Variants in MCM9 observed in about 807,000 individuals in gnomAD.
MCM9 encodes the protein minichromosome maintenance 9 homologous recombination repair factor.
Under a neutral mutation model 72.8 loss-of-function variants are expected in MCM9, and 55 were observed. The observed-to-expected ratio is 0.76, with a 90% CI of 0.61 to 0.95. The LOEUF is 0.95. Among genes scored for constraint, MCM9 ranks in the 40% least tolerant of loss-of-function variants. MCM9 has a pLI of 0.00. For missense variants in MCM9, 1,279 were observed against 1,377.0 expected (o/e 0.93, Z 1.13); for synonymous variants, 480 against 503.4 (o/e 0.95, Z 0.62).
chr6:118,847,319 G>GA (rs1269181335), intron 9 of MCM9, among the ~76,000 whole-genome samples: 1 of 145,202 alleles, frequency 6.9e-6, no homozygotes, highest in Non-Finnish European at 1.5e-5. Context: ...GACAAGGGTT[G>GA]AAAAACTACC....
intron 9 of MCM9, among the ~76,000 whole-genome samples, chr6:118,846,643 G>A (rs779935188): frequency 1.3e-5 from 2 of 151,732 alleles, no homozygotes; most frequent in African/African-American, 2.4e-5. Flanking sequence ...TTGGTGATCA[G>A]GTGAAGAAGG....
intron 8 of MCM9, among the ~76,000 whole-genome samples, chr6:118,878,240 T>C (rs1778065117): frequency 6.6e-6 from 1 of 151,714 alleles, no homozygotes; most frequent in African/African-American, 2.4e-5. Flanking sequence ...ATAATACTGA[T>C]CAAAAAATAC....
At chr6:118,881,454 G>T (rs986700782) in intron 8 of MCM9, among the ~76,000 whole-genome samples, 1 of 152,112 alleles carries the variant, frequency 6.6e-6, no homozygotes, top group African/African-American at 2.4e-5. Flanking sequence ...AAAATTCAGT[G>T]AGCGAGTCAA....
chr6:118,843,020 T>C (rs973378354), intron 9 of MCM9, among the ~76,000 whole-genome samples: 2 of 152,198 alleles, frequency 1.3e-5, no homozygotes, highest in Non-Finnish European at 2.9e-5. Context: ...ATATTTTGGT[T>C]ACTGACATAA....
chr6:118,905,151 T>C (rs1780088421), intron 8 of MCM9, among the ~76,000 whole-genome samples: 1 of 152,236 alleles, frequency 6.6e-6, no homozygotes, highest in Non-Finnish European at 1.5e-5. Context: ...TTCAGTTTTA[T>C]ACTAATTTAC....
intron 8 of MCM9, among the ~76,000 whole-genome samples, chr6:118,863,979 A>G (rs1777061186): frequency 1.3e-5 from 2 of 151,994 alleles, no homozygotes; most frequent in Non-Finnish European, 2.9e-5. Flanking sequence ...AAATATATCA[A>G]TTAAGACAGA....
intron 3 of MCM9, among the ~76,000 whole-genome samples, chr6:118,925,557 CT>C (rs1781824077): frequency 6.6e-6 from 1 of 152,178 alleles, no homozygotes; most frequent in Non-Finnish European, 1.5e-5. Context: ...TGAATTTTCT[CT>C]GTTGGTTGGC....
chr6:118,931,606 C>T lies in MCM9; in HGVS notation c.118G>A (p.Val40Ile), dbSNP rs769634223. 3 of 1,614,066 alleles carry T rather than the reference C, an allele frequency of 1.9e-6. No individual in the cohort carries two copies. The highest frequency in any genetic ancestry group is 1.6e-4 in the Middle Eastern group (1 of 6,062). The change falls in exon 3 of 14, where the codon GTT becomes ATT. Residue 40 changes from valine to isoleucine, a missense_variant. By Grantham distance (29) the Val-to-Ile change is conservative. Coordinates refer to ENST00000619706, the MANE Select transcript of MCM9 (RefSeq NM_017696.3). Reference sequence around the variant, plus strand: ...AACAGAGTCATGGCATTAACCACAACTGGGTAATGAGCATCTTCATCCCTT... The same window carrying T: ...AACAGAGTCATGGCATTAACCACAATTGGGTAATGAGCATCTTCATCCCTT... ...KERDEDAHYP[V>I]VVNAMTLFET...
chr6:118,815,677 C>T lies in MCM9; in HGVS notation c.2579G>A (p.Cys860Tyr), dbSNP rs1376047780. 1.3e-6 allele frequency: 2 copies of T among 1,549,212 alleles called. No homozygotes were observed. Among genetic ancestry groups the T allele is most frequent in the Non-Finnish European group, 1.7e-6 (2 of 1,146,652 alleles). The change falls in exon 14 of 14, where the codon TGC becomes TAC. Residue 860 changes from cysteine (C) to tyrosine (Y), a missense_variant. Transcript: ENST00000619706. ...TGCAGGCACCCTGGTGCTATTTCTG[C>T]ACAACTTCTGGGCCCTCTCTTTGCA... The part of the protein sequence containing the change: ...KLCKERAQKL[C>Y]RNSTRVPAQC...
At chr6:118,828,792 C>T (rs894075353) in intron 10 of MCM9, among the ~76,000 whole-genome samples, 7 of 152,082 alleles carry the variant, frequency 4.6e-5, no homozygotes, top group African/African-American at 1.7e-4. Context: ...TAAGGTTGTC[C>T]CCTTTCATCA....
chr6:118,896,488 G>A (rs1779427732), intron 8 of MCM9, among the ~76,000 whole-genome samples: 2 of 152,110 alleles, frequency 1.3e-5, no homozygotes, highest in Admixed American at 6.5e-5. Context: ...GATGAAACCA[G>A]CCATTCATAA....
At chr6:118,837,515 A>G (rs1775045246) in intron 9 of MCM9, among the ~76,000 whole-genome samples, 1 of 152,134 alleles carries the variant, frequency 6.6e-6, no homozygotes, top group Non-Finnish European at 1.5e-5. Context: ...GTGTTTCTGT[A>G]GGTCTCTAAG....
chr6:118,898,970 T>G (rs1166474637), intron 8 of MCM9, among the ~76,000 whole-genome samples: 2 of 152,152 alleles, frequency 1.3e-5, no homozygotes, highest in African/African-American at 2.4e-5. Flanking sequence ...GTATCTCTGC[T>G]TAGAAGCAGA....
intron 8 of MCM9, among the ~76,000 whole-genome samples, chr6:118,859,565 C>G (rs768839864): frequency 6.6e-6 from 1 of 152,128 alleles, no homozygotes; most frequent in Non-Finnish European, 1.5e-5. Context: ...GTAAGAAAAA[C>G]AGGCAAGAAA....
At chr6:118,886,242 T>C (rs563573164) in intron 8 of MCM9, among the ~76,000 whole-genome samples, 1 of 152,230 alleles carries the variant, frequency 6.6e-6, no homozygotes, top group Non-Finnish European at 1.5e-5. Flanking sequence ...GATAAAGGAC[T>C]GAAAATTTTC....
chr6:118,883,321 A>T (rs1209824927), intron 8 of MCM9, among the ~76,000 whole-genome samples: 2 of 152,100 alleles, frequency 1.3e-5, no homozygotes, highest in African/African-American at 4.8e-5. Context: ...ATAAAAAATG[A>T]GCAGAGTGTC....
rs915539070 is a variant in MCM9, at chr6:118,826,122, G to A, written c.1961+25C>T. ...GCCAAACAAGGATTTTCCATTGTAT[G>A]CCTTTCTGGGTTTTCATTCCTCACC... On this transcript the variant is annotated intron_variant, in intron 13 of 13. Coordinates refer to ENST00000619706, the MANE Select transcript of MCM9 (RefSeq NM_017696.3). 9.8e-6 allele frequency: 15 copies of A among 1,536,028 alleles called. No homozygotes were observed. The African/African-American group carries it at 1.4e-4, about 14-fold the overall frequency.
At chr6:118,857,609 C>T (rs1321080658) in intron 8 of MCM9, among the ~76,000 whole-genome samples, 3 of 119,602 alleles carry the variant, frequency 2.5e-5, no homozygotes, top group African/African-American at 1.0e-4. Context: ...AATGGATAAA[C>T]TTCTGTCCAG....
intron 9 of MCM9, among the ~76,000 whole-genome samples, chr6:118,843,695 T>C (rs1258432235): frequency 6.1e-5 from 5 of 81,946 alleles, no homozygotes; most frequent in African/African-American, 2.4e-4. Flanking sequence ...TGTGTATATA[T>C]ATATATATGT....
Sources: allele counts gnomAD v4.1 joint callset (sites outside exome capture counted in the v4.1 genomes callset), GRCh38; gene constraint gnomAD v4.1.1; transcripts MANE v1.5; gene names NCBI Gene and HGNC (gene_info 2026-07-23, HGNC 2026-07-21).